ZNF263: variants seen among roughly 807,000 people sequenced by gnomAD.
The protein encoded by ZNF263 is zinc finger protein FPM315.
In ZNF263, 49 loss-of-function variants were observed where a neutral mutation model predicts 63.1. The observed-to-expected ratio is 0.78, with a 90% confidence interval of 0.62 to 0.99. The LOEUF is 0.99. Among genes scored for constraint, ZNF263 ranks in the 50% least tolerant of loss-of-function variants. The pLI is 0.00. For missense variants in ZNF263, 872 were observed against 854.8 expected (o/e 1.02, Z -0.25); for synonymous variants, 352 against 324.2 (o/e 1.09, Z -0.92).
At position 3,290,852 on chromosome 16, in the gene ZNF263, G is replaced by A; in HGVS notation, c.*294G>A. 3.5e-6 allele frequency: 4 copies of A among 1,126,798 alleles called. No homozygotes were observed. Among genetic ancestry groups the A allele is most frequent in the Middle Eastern group, 3.8e-4 (1 of 2,600 alleles). The allele number at this position is 1,126,798 out of a possible 1,614,324, so 69.8% of individuals were successfully genotyped here. A position where few individuals can be genotyped will look rare whatever the true frequency, so the allele number is the denominator to read the frequency against. Reference sequence around the variant, plus strand: ...CTCTTGGTCTTTTTAAAGCCAAGGTGCGATTTGGGCACCTGACTGTCCAGT... The same window carrying A: ...CTCTTGGTCTTTTTAAAGCCAAGGTACGATTTGGGCACCTGACTGTCCAGT... On this transcript the variant is annotated 3_prime_UTR_variant, in exon 6 of 6. Coordinates refer to ENST00000219069, the MANE Select transcript of ZNF263 (RefSeq NM_005741.5).
intron 3 of ZNF263, 100 bp from the exon 4 acceptor site, chr16:3,285,923 C>T: frequency 2.5e-6 from 4 of 1,595,002 alleles, no homozygotes; most frequent in Non-Finnish European, 3.4e-6. Flanking sequence ...TCCCCCCTGA[C>T]ATGTGCTTGG....
chr16:3,286,956 G>A (rs1169289293), intron 4 of ZNF263: 1 of 152,098 alleles, frequency 6.6e-6, no homozygotes, highest in Non-Finnish European at 1.5e-5. Flanking sequence ...TGGTGTGGTG[G>A]TGGTAGTCCC....
rs1222619594 is a variant in ZNF263 at position 3,289,531 on chromosome 16, A to G, written c.1025A>G (p.Gln342Arg). The G allele has an allele frequency of 1.2e-6, 2 of 1,601,956 alleles. No homozygotes were observed. The highest frequency in any genetic ancestry group is 8.5e-7 in the Non-Finnish European group (1 of 1,173,480). ...CTGGGAAGACCTCATGACCGGTCGC[A>G]AGGGGATTGGGCGCCTCCCCCAGAG... ...PELGRPHDRS[Q>R]GDWAPPPEGG... The change falls in exon 6 of 6, where the codon CAA becomes CGA. Residue 342 changes from glutamine (Q) to arginine (R), a missense_variant. Physicochemically the swap from Gln to Arg is conservative, Grantham distance 43. Transcript: ENST00000219069.
Position 3,290,985 on chromosome 16 carries a change from AG to A in ZNF263, c.*431del, listed in dbSNP as rs1959593335. 1.0e-6 allele frequency: 1 copy of A among 1,000,104 alleles called. No homozygotes were observed. Among genetic ancestry groups the A allele is most frequent in the Non-Finnish European group, 1.2e-6 (1 of 837,066 alleles). The allele number at this position is 1,000,104 out of a possible 1,614,324, so 62.0% of individuals were successfully genotyped here. ...TCCGGGGCCCCTGAGACCAAAGAAG[AG>A]GGGCCAAGTACCCTGGGAAATCAGC... On this transcript the variant is annotated 3_prime_UTR_variant, in exon 6 of 6. Transcript: ENST00000219069.
intron 1 of ZNF263, among the ~76,000 whole-genome samples, chr16:3,297,958 TTG>T (rs1186765004): frequency 1.8e-4 from 28 of 152,192 alleles, no homozygotes; most frequent in African/African-American, 6.0e-4. Context: ...ATATTCAATG[TTG>T]GGATTGGTGC....
At chr16:3,299,138 C>A (rs1232124080) in exon 2 of ZNF263, 3 of 1,492,392 alleles carry the variant, frequency 2.0e-6, no homozygotes, top group South Asian at 1.4e-5. Flanking sequence ...TCAGGTGTGG[C>A]ATCAACAAAG....
chr16:3,300,221 G>A (rs1333961040), intron 2 of ZNF263: 5 of 1,614,132 alleles, frequency 3.1e-6, no homozygotes, highest in East Asian at 2.2e-5. Context: ...ATTGCATGCC[G>A]ATTTCGAAAT....
Position 3,289,459 on chromosome 16 carries a change from T to A in ZNF263, c.953T>A (p.Val318Glu), listed in dbSNP as rs1340022870. The A allele has an allele frequency of 6.5e-7, 1 of 1,530,908 alleles. No individual in the cohort carries two copies. The highest frequency in any genetic ancestry group is 1.4e-5 in the African/African-American group (1 of 71,978). The allele number at this position is 1,530,908 out of a possible 1,614,324, so 94.8% of individuals were successfully genotyped here. A position where few individuals can be genotyped will look rare whatever the true frequency, so the allele number is the denominator to read the frequency against. The change falls in exon 6 of 6, where the codon GTG (valine) becomes GAG (glutamate). Residue 318 changes from valine to glutamate, a missense_variant. Physicochemically the swap from Val to Glu is moderately radical, Grantham distance 121. Transcript: ENST00000219069. ...SVCSENIHPQ[V>E]LLPDQARGEV... ...TGCTCTGAGAACATCCACCCTCAGG[T>A]GCTGCTTCCTGACCAGGCCCGAGGG...
In ZNF263 at chr16:3,289,502, T is replaced by C. The variant is rs1959515865; in HGVS notation, c.996T>C (p.Pro332=). The C allele has an allele frequency of 6.4e-7, 1 of 1,569,116 alleles. No individual in the cohort carries two copies. The highest frequency in any genetic ancestry group is 8.6e-7 in the Non-Finnish European group (1 of 1,157,952). The change falls in exon 6 of 6, where the codon CCT becomes CCC. Residue 332 remains proline (P), a synonymous_variant. Coordinates refer to ENST00000219069, the MANE Select transcript of ZNF263 (RefSeq NM_005741.5). ...DQARGEVPWS[P]ELGRPHDRSQ... is the part of the protein sequence containing the mutation. Reference sequence around the variant, plus strand: ...CCCGAGGGGAGGTGCCCTGGAGTCCTGAGCTGGGAAGACCTCATGACCGGT... The same window carrying C: ...CCCGAGGGGAGGTGCCCTGGAGTCCCGAGCTGGGAAGACCTCATGACCGGT...
In ZNF263 at chr16:3,291,353, G is replaced by C; in HGVS notation, c.*795G>C. 3.0e-6 allele frequency: 3 copies of C among 985,432 alleles called. No individual in the cohort carries two copies. Among genetic ancestry groups the C allele is most frequent in the Non-Finnish European group, 3.6e-6 (3 of 829,928 alleles). 61.0% of individuals were successfully genotyped at this position (985,432 alleles called of 1,614,324 possible). ...AGGAACGAGAGCATTCCAGGAAAGAGAGATTCCCTGGAAAATTGAAAATGT... is the reference window on the plus strand; with the variant it reads ...AGGAACGAGAGCATTCCAGGAAAGACAGATTCCCTGGAAAATTGAAAATGT... On this transcript the variant is annotated 3_prime_UTR_variant, in exon 6 of 6. Coordinates refer to ENST00000219069, the MANE Select transcript of ZNF263 (RefSeq NM_005741.5).
In ZNF263 at chr16:3,290,549, C is replaced by A; in HGVS notation, c.2043C>A (p.His681Gln). 2.5e-6 allele frequency: 4 copies of A among 1,609,698 alleles called. No homozygotes were observed. Among genetic ancestry groups the A allele is most frequent in the Non-Finnish European group, 3.4e-6 (4 of 1,177,822 alleles). Residue 681 changes from histidine (H) to glutamine (Q), a missense_variant, in exon 6 of 6, where the codon CAC (histidine) becomes CAA (glutamine). Physicochemically the swap from His to Gln is conservative, Grantham distance 24 (BLOSUM62 0). Coordinates refer to ENST00000219069, the MANE Select transcript of ZNF263 (RefSeq NM_005741.5). Reference sequence around the variant, plus strand: ...GTCTTATGAGTCATCAGAGAACTCACACAGGTTAGTAACAGTGGGGTTTCT... The same window carrying A: ...GTCTTATGAGTCATCAGAGAACTCAAACAGGTTAGTAACAGTGGGGTTTCT... Reference protein sequence around the residue: ...SSRLMSHQRTHTG With the variant: ...SSRLMSHQRTQTG
At position 3,284,264 on chromosome 16, in the gene ZNF263, T is replaced by A. The variant is rs889333564; in HGVS notation, c.387+59T>A. Reference sequence around the variant, plus strand: ...TTGTTTAGCCCTGAGCACTGGGACATTGCGCCCCCGGTCGAATTCAAGTAA... The same window carrying A: ...TTGTTTAGCCCTGAGCACTGGGACAATGCGCCCCCGGTCGAATTCAAGTAA... On this transcript the variant is annotated intron_variant, in intron 1 of 5. Transcript: ENST00000219069. 20 of 1,445,566 alleles carry A rather than the reference T, an allele frequency of 1.4e-5. No individual in the cohort carries two copies. The Admixed American group carries it at 5.0e-4, about 36-fold the overall frequency. The allele number at this position is 1,445,566 out of a possible 1,614,324, so 89.5% of individuals were successfully genotyped here. A position where few individuals can be genotyped will look rare whatever the true frequency, so the allele number is the denominator to read the frequency against.
chr16:3,297,456 CTTTTTTTTTTTTTT>C (rs1168352573), intron 1 of ZNF263, among the ~76,000 whole-genome samples: 1 of 76,444 alleles, frequency 1.3e-5, no homozygotes, highest in East Asian at 4.1e-4. Flanking sequence ...GAAACAGATT[CTTTTTTTTTTTTTT>C]TTTTTTTTTT....
chr16:3,283,928 C>T lies in ZNF263; in HGVS notation c.110C>T (p.Pro37Leu), dbSNP rs1959242592. Reference protein sequence around the residue: ...ELPPPDPGPSPEASHLRFRRF... With the variant: ...ELPPPDPGPSLEASHLRFRRF... ...CCCCCACCTGACCCAGGACCGAGCC[C>T]CGAGGCCTCCCACTTGCGCTTCAGA... The change falls in exon 1 of 6, where the codon CCC (proline) becomes CTC (leucine). Residue 37 changes from proline to leucine, a missense_variant. Transcript: ENST00000219069. The T allele has an allele frequency of 6.2e-7, 1 of 1,613,638 alleles. No individual in the cohort carries two copies. The highest frequency in any genetic ancestry group is 1.7e-5 in the Admixed American group (1 of 60,006).
At chr16:3,297,692 C>T (rs982501173) in intron 1 of ZNF263, among the ~76,000 whole-genome samples, 5 of 151,770 alleles carry the variant, frequency 3.3e-5, no homozygotes, top group Admixed American at 6.6e-5. Context: ...TCTCGATCTC[C>T]TGACCTCGTG....
At chr16:3,299,957 C>T (rs372035499) in intron 2 of ZNF263, 123 of 1,613,538 alleles carry the variant, frequency 7.6e-5, no homozygotes, top group Non-Finnish European at 1.0e-4. Context: ...TTATGAGTTC[C>T]GTCTGCATTT....
At chr16:3,285,995 G>A in intron 3 of ZNF263, 28 bp from the exon 4 acceptor site, 2 of 1,613,912 alleles carry the variant, frequency 1.2e-6, no homozygotes, top group Non-Finnish European at 1.7e-6. Context: ...GTGCATCAGG[G>A]GCTAAAGGAG....
rs555378859 is a variant in ZNF263 at position 3,286,050 on chromosome 16, A to G, written c.670A>G (p.Met224Val). 30 of 1,613,628 alleles carry G rather than the reference A, an allele frequency of 1.9e-5. No individual in the cohort carries two copies. The highest frequency in any genetic ancestry group is 8.3e-5 in the Admixed American group (5 of 59,886). Residue 224 changes from methionine to valine, a missense_variant, in exon 4 of 6, where the codon ATG becomes GTG. By Grantham distance (21) the Met-to-Val change is conservative (BLOSUM62 1). Transcript: ENST00000219069. ...QLPESLEDVA[M>V]YISQEEWGHQ... ...GCCTGAGAGCTTAGAGGACGTGGCA[A>G]TGTACATCTCCCAGGAGGAGTGGGG... is the stretch of plus-strand genomic sequence containing the variant.
At chr16:3,299,818 A>C in intron 2 of ZNF263, 1 of 1,588,652 alleles carries the variant, frequency 6.3e-7, no homozygotes, top group Non-Finnish European at 8.5e-7. Context: ...GTTTTGAAAA[A>C]ACCATTCTGA....
Sources: gnomAD v4.1 joint callset for allele counts (sites outside exome capture counted in the v4.1 genomes callset) on GRCh38, gnomAD v4.1.1 for gene constraint, MANE v1.5 for transcripts, NCBI Gene and HGNC (gene_info 2026-07-23, HGNC 2026-07-21) for gene names.